Variants in SLC43A2 observed in about 807,000 individuals in gnomAD.
SLC43A2 encodes the protein solute carrier family 43 member 2.
In SLC43A2, 38 loss-of-function variants were observed where a neutral mutation model predicts 63.2. The observed-to-expected ratio is 0.60, with a 90% CI of 0.46 to 0.79. The LOEUF (loss-of-function observed/expected upper bound fraction) is 0.79, where lower values mean the gene tolerates loss of function less well. SLC43A2 is among the 30% of genes least tolerant of loss of function. The pLI is 0.00. For missense variants in SLC43A2, 644 were observed against 756.2 expected (o/e 0.85, Z 1.74); for synonymous variants, 322 against 331.0 (o/e 0.97, Z 0.30).
At chr17:1,592,655 C>T (rs771241362) in intron 6 of SLC43A2, among the ~76,000 whole-genome samples, 1 of 152,162 alleles carries the variant, frequency 6.6e-6, no homozygotes, top group Non-Finnish European at 1.5e-5. Flanking sequence ...TGGGAGAAGC[C>T]CCTACGGGGC....
chr17:1,592,770 A>AG (rs1448971011), intron 6 of SLC43A2, among the ~76,000 whole-genome samples: 4 of 152,114 alleles, frequency 2.6e-5, no homozygotes, highest in Non-Finnish European at 5.9e-5. Context: ...CCTGCCTAGG[A>AG]GGGAAACAGC....
rs1905030066 is a variant in SLC43A2 at position 1,593,766 on chromosome 17, G to T, written c.502-487C>A. ...TTTGGTTTGGAGAGGGTAGGTTTTT[G>T]GAAGATGTCAATCAGAATTCTACAG... On this transcript the variant is annotated intron_variant, in intron 5 of 13. Coordinates refer to ENST00000301335, the MANE Select transcript of SLC43A2 (RefSeq NM_152346.3). The surrounding 1 kb of genome is among the most constrained non-coding windows in gnomAD (Gnocchi z 5.3). Among the ~76,000 whole-genome samples the T allele has an allele frequency of 6.6e-6, 1 of 152,208 alleles. No homozygotes were observed. Among genetic ancestry groups the T allele is most frequent in the South Asian group, 2.1e-4 (1 of 4,834 alleles).
chr17:1,592,895 G>A (rs556720223), intron 6 of SLC43A2, among the ~76,000 whole-genome samples: 6 of 152,284 alleles, frequency 3.9e-5, no homozygotes, highest in Non-Finnish European at 5.9e-5. Flanking sequence ...CGGAGGAGAC[G>A]GGGGCAAGAC....
Position 1,576,733 on chromosome 17 carries a change from C to A in SLC43A2, c.1425-13G>T. On this transcript the variant is annotated splice_polypyrimidine_tract_variant and intron_variant, in intron 12 of 13. Coordinates refer to ENST00000301335, the MANE Select transcript of SLC43A2 (RefSeq NM_152346.3). Reference sequence around the variant, plus strand: ...GGTGGAGGGGTACCTGCAGGGCAAGCGACAGCTCACAGCCATCCTGCCTCC... The same window carrying A: ...GGTGGAGGGGTACCTGCAGGGCAAGAGACAGCTCACAGCCATCCTGCCTCC... 2.5e-6 allele frequency: 4 copies of A among 1,607,102 alleles called. No individual in the cohort carries two copies. In the South Asian group the frequency reaches 3.3e-5, roughly 13 times the overall value.
chr17:1,621,274 C>G (rs1031291710), intron 2 of SLC43A2, among the ~76,000 whole-genome samples: 1 of 152,152 alleles, frequency 6.6e-6, no homozygotes. Flanking sequence ...GGAGGGGGGC[C>G]TCCAAGATGA....
At position 1,578,230 on chromosome 17, in the gene SLC43A2, C is replaced by A; in HGVS notation, c.1424+20G>T. ...CCCACACCCTCGCCCACCAGGCCACCTGCGGCTTCCAGGACTTACACGGCA... is the reference window on the plus strand; with the variant it reads ...CCCACACCCTCGCCCACCAGGCCACATGCGGCTTCCAGGACTTACACGGCA... On this transcript the variant is annotated intron_variant, in intron 12 of 13. Transcript: ENST00000301335. The surrounding 1 kb of genome is among the most constrained non-coding windows in gnomAD (Gnocchi z 6.5). The A allele has an allele frequency of 6.2e-7, 1 of 1,610,876 alleles. No individual in the cohort carries two copies. The highest frequency in any genetic ancestry group is 8.5e-7 in the Non-Finnish European group (1 of 1,177,520).
chr17:1,627,887 C>CT lies in SLC43A2; in HGVS notation c.-14_-13insA, dbSNP rs1567654868. ...GGGTGGGCGCCATGGTGCGGCGCGG[C>CT]GCGGCTCCGGCTCCGGCTCCGGCTC... On this transcript the variant is annotated 5_prime_UTR_variant, in exon 2 of 14. Transcript: ENST00000301335. The CT allele has an allele frequency of 6.5e-7, 1 of 1,547,626 alleles. No homozygotes were observed. The highest frequency in any genetic ancestry group is 2.5e-5 in the East Asian group (1 of 40,494).
chr17:1,626,512 G>A (rs941764113), intron 2 of SLC43A2, among the ~76,000 whole-genome samples: 4 of 152,054 alleles, frequency 2.6e-5, no homozygotes, highest in African/African-American at 7.2e-5. Context: ...CTCTCCCCGC[G>A]GCCTCTGCAT....
rs1353663316 is a variant in SLC43A2 at position 1,617,740 on chromosome 17, C to T, written c.161-971G>A. On this transcript the variant is annotated intron_variant, in intron 2 of 13. Transcript: ENST00000301335. Reference sequence around the variant, plus strand: ...TGCCGGGGTCACAGTGGTGCCATCCCGTGGCCATGCCTAGACCTCGCTGGG... The same window carrying T: ...TGCCGGGGTCACAGTGGTGCCATCCTGTGGCCATGCCTAGACCTCGCTGGG... Among the ~76,000 whole-genome samples, 5 of 152,326 alleles carry T rather than the reference C, an allele frequency of 3.3e-5. No homozygotes were observed. In the East Asian group the frequency reaches 7.7e-4, roughly 23 times the overall value.
At chr17:1,603,015 T>A (rs1906219037) in intron 5 of SLC43A2, 1 of 152,056 alleles carries the variant, frequency 6.6e-6, no homozygotes, top group South Asian at 2.1e-4. Flanking sequence ...CGCCTCAGCC[T>A]CCCAAAGTGC....
intron 2 of SLC43A2, among the ~76,000 whole-genome samples, chr17:1,621,227 G>A (rs568948196): frequency 1.3e-5 from 2 of 152,316 alleles, no homozygotes; most frequent in Admixed American, 1.3e-4. Flanking sequence ...CTCCCCTGAG[G>A]CAAAGAGGAG....
At position 1,575,914 on chromosome 17, in the gene SLC43A2, C is replaced by T. The variant is rs113276644; in HGVS notation, c.1549-149G>A. The T allele has an allele frequency of 7.6e-3, 7,151 of 935,350 alleles. 56 individuals are homozygous for T. The highest frequency in any genetic ancestry group is 0.033 in the African/African-American group (1,956 of 59,976). 57.9% of individuals were successfully genotyped at this position (935,350 alleles called of 1,614,324 possible). On this transcript the variant is annotated intron_variant, in intron 13 of 13. Transcript: ENST00000301335. ...AGGCCCACGAGGTCCCATATGCCAG[C>T]GTCCCGGTTCCCAACTCTTCACAGG...
chr17:1,603,988 G>T (rs747252005), intron 5 of SLC43A2, among the ~76,000 whole-genome samples: 2 of 152,230 alleles, frequency 1.3e-5, no homozygotes, highest in South Asian at 2.1e-4. Flanking sequence ...TTTTACATGT[G>T]CCTTATTAAG....
intron 5 of SLC43A2, among the ~76,000 whole-genome samples, chr17:1,599,951 G>A (rs1466305874): frequency 1.4e-5 from 2 of 147,958 alleles, no homozygotes; most frequent in Admixed American, 6.8e-5. Flanking sequence ...GGCTGAGACG[G>A]GAGAATGGCG....
At chr17:1,599,693 T>C (rs960877294) in intron 5 of SLC43A2, among the ~76,000 whole-genome samples, 1 of 151,500 alleles carries the variant, frequency 6.6e-6, no homozygotes, top group African/African-American at 2.4e-5. Context: ...ACAGTTAGAC[T>C]CCGTCTCAAA....
rs1906656110 is a variant in SLC43A2, at chr17:1,606,766, C to T, written c.501+6429G>A. Among the ~76,000 whole-genome samples the T allele has an allele frequency of 6.6e-6, 1 of 152,250 alleles. No individual in the cohort carries two copies. Among genetic ancestry groups the T allele is most frequent in the African/African-American group, 2.4e-5 (1 of 41,482 alleles). ...CCACACCGTGGGGAGTGCTCTGCCCCCATGGAGTGACCTGGCGTCCGCCCT... is the reference window on the plus strand; with the variant it reads ...CCACACCGTGGGGAGTGCTCTGCCCTCATGGAGTGACCTGGCGTCCGCCCT... On this transcript the variant is annotated intron_variant, in intron 5 of 13. Transcript: ENST00000301335. The surrounding 1 kb of genome is among the most constrained non-coding windows in gnomAD (Gnocchi z 4.7).
chr17:1,590,987 C>G, intron 8 of SLC43A2, 39 bp from the exon 9 acceptor site: 1 of 1,543,084 alleles, frequency 6.5e-7, no homozygotes, highest in Non-Finnish European at 8.7e-7. Context: ...CCGGGGCACA[C>G]TGTCCCCACC....
At chr17:1,598,464 C>T (rs1233542877) in intron 5 of SLC43A2, among the ~76,000 whole-genome samples, 1 of 151,674 alleles carries the variant, frequency 6.6e-6, no homozygotes, top group Non-Finnish European at 1.5e-5. Flanking sequence ...TGGAACCCAA[C>T]CAGAAGGGCA....
chr17:1,576,488 C>G (rs565664724), intron 13 of SLC43A2, 109 bp downstream of exon 13: 1 of 1,266,490 alleles, frequency 7.9e-7, no homozygotes, highest in Non-Finnish European at 1.1e-6. Context: ...TCCTAACCAA[C>G]GCTCCCACAT....
Sources: allele counts gnomAD v4.1 joint callset (sites outside exome capture counted in the v4.1 genomes callset), GRCh38; gene constraint gnomAD v4.1.1; non-coding constraint Gnocchi (gnomAD v3.1); transcripts MANE v1.5; gene names NCBI Gene and HGNC (gene_info 2026-07-23, HGNC 2026-07-21).